The following AATK variants were observed in gnomAD, a reference collection of about 807,000 sequenced individuals.
AATK encodes serine/threonine-protein kinase LMTK1.
A neutral mutation model predicts 114.3 loss-of-function variants in AATK; 91 were observed. That is an observed-to-expected ratio of 0.80 (90% CI 0.67 to 0.95). The LOEUF (loss-of-function observed/expected upper bound fraction) is 0.95, where lower values mean the gene tolerates loss of function less well. AATK is among the 40% of genes least tolerant of loss of function. AATK has a pLI of 0.00. For missense variants in AATK, 2,176 were observed against 1,965.2 expected (o/e 1.11, Z -2.03); for synonymous variants, 1,075 against 916.5 (o/e 1.17, Z -3.12).
chr17:81,131,850 G>A, intron 2 of AATK: 10 of 1,303,274 alleles, frequency 7.7e-6, no homozygotes, highest in Non-Finnish European at 1.0e-5. Flanking sequence ...GAGCATTCCT[G>A]GATGTCTGGG....
In AATK at chr17:81,122,820, G is replaced by C; in HGVS notation, c.1116C>G (p.Tyr372Ter). ...GCAGCCAGCAGAACTGCATCACCTCGTACCTGCGAGGAGGTCCCCCGGGGG... is the reference window on the plus strand; with the variant it reads ...GCAGCCAGCAGAACTGCATCACCTCCTACCTGCGAGGAGGTCCCCCGGGGG... ...QLQLTLSDRW[Y>*]EVMQFCWLQP... The change falls in exon 11 of 14, where the codon TAC becomes TAG. Residue 372 changes from tyrosine (Y) to a stop codon, truncating the protein, a stop_gained. Coordinates refer to ENST00000326724, the MANE Select transcript of AATK (RefSeq NM_001080395.3). LOFTEE classifies it high-confidence loss of function. 1 of 1,535,064 alleles carries C rather than the reference G, an allele frequency of 6.5e-7. No individual in the cohort carries two copies. The highest frequency in any genetic ancestry group is 1.4e-5 in the African/African-American group (1 of 72,656).
chr17:81,134,616 G>T, intron 1 of AATK, 115 bp from the exon 2 acceptor site: 27 of 1,364,156 alleles, frequency 2.0e-5, no homozygotes, highest in Non-Finnish European at 2.7e-5. Flanking sequence ...CTGGGCCTCA[G>T]CACCCTGACC....
In AATK at chr17:81,153,015, G is replaced by A. The variant is rs141499448; in HGVS notation, c.55+12923C>T. 3.5e-4 allele frequency among the ~76,000 whole-genome samples: 54 copies of A among 152,180 alleles called. 1 individual carries two copies. The East Asian group carries it at 0.01, about 28-fold the overall frequency. ...CCACCACCACGCTCAGCTAATATTT[G>A]TATTTTTGTAGAGACAGGGTTTCAC... On this transcript the variant is annotated intron_variant, in intron 1 of 13. Transcript: ENST00000326724.
In AATK at chr17:81,119,467, G is replaced by A. The variant is rs546325681; in HGVS notation, c.3997C>T (p.Pro1333Ser). ...APAAPTPTPA[P>S]FSRFTVSPAP... ...GGCGACACCGTGAAGCGCGAGAAGGGAGCGGGCGTGGGCGTGGGCGCAGCC... is the reference window on the plus strand; with the variant it reads ...GGCGACACCGTGAAGCGCGAGAAGGAAGCGGGCGTGGGCGTGGGCGCAGCC... The change falls in exon 13 of 14, where the codon CCC (proline) becomes TCC (serine). Residue 1333 changes from proline to serine, a missense_variant. Coordinates refer to ENST00000326724, the MANE Select transcript of AATK (RefSeq NM_001080395.3). The A allele has an allele frequency of 4.9e-4, 739 of 1,514,304 alleles. 13 individuals carry two copies. The South Asian group carries it at 8.9e-3, about 18-fold the overall frequency. 93.8% of individuals were successfully genotyped at this position (1,514,304 alleles called of 1,614,324 possible). A position where few individuals can be genotyped will look rare whatever the true frequency, so the allele number is the denominator to read the frequency against.
At chr17:81,157,902 C>T (rs571281640) in intron 1 of AATK, among the ~76,000 whole-genome samples, 31 of 152,370 alleles carry the variant, frequency 2.0e-4, no homozygotes, top group African/African-American at 7.2e-4. Flanking sequence ...TCCCGCTCTT[C>T]GTGGGGGCCT....
At chr17:81,164,216 T>C (rs1007738996) in intron 1 of AATK, among the ~76,000 whole-genome samples, 1 of 152,252 alleles carries the variant, frequency 6.6e-6, no homozygotes, top group African/African-American at 2.4e-5. Context: ...GCAGAGGGAC[T>C]GCAGCACAGG....
intron 1 of AATK, among the ~76,000 whole-genome samples, chr17:81,155,118 C>G (rs562079877): frequency 6.6e-6 from 1 of 152,308 alleles, no homozygotes; most frequent in Non-Finnish European, 1.5e-5. Context: ...GCGCTCTGCA[C>G]GGAAACCTTG....
chr17:81,118,780 T>C (rs1456178041), intron 13 of AATK, among the ~76,000 whole-genome samples: 2 of 152,198 alleles, frequency 1.3e-5, no homozygotes, highest in Non-Finnish European at 2.9e-5. Context: ...GGGGTGAGGC[T>C]GACAGGCCCT....
chr17:81,154,315 CTTTCTTT>C (rs1216170541), intron 1 of AATK, among the ~76,000 whole-genome samples: 5 of 120,706 alleles, frequency 4.1e-5, no homozygotes, highest in Admixed American at 2.0e-4. Context: ...TTAGTTTTTT[CTTTCTTT>C]TTTTTTTTTT....
intron 1 of AATK, among the ~76,000 whole-genome samples, chr17:81,150,637 C>T (rs1412855065): frequency 1.3e-5 from 2 of 152,052 alleles, no homozygotes; most frequent in Non-Finnish European, 2.9e-5. Context: ...CATTCCTCAT[C>T]CAATGTCTCT....
In AATK at chr17:81,121,329, G is replaced by C; in HGVS notation, c.2607C>G (p.Gly869=). 1 of 1,611,572 alleles carries C rather than the reference G, an allele frequency of 6.2e-7. No homozygotes were observed. The highest frequency in any genetic ancestry group is 8.5e-7 in the Non-Finnish European group (1 of 1,179,744). ...EDEDTAEATS[G]IFTDTSSDGL... is the part of the protein sequence containing the mutation. ...CGTCGCTGGACGTGTCGGTGAAGATGCCTGAGGTGGCCTCGGCCGTGTCCT... is the reference window on the plus strand; with the variant it reads ...CGTCGCTGGACGTGTCGGTGAAGATCCCTGAGGTGGCCTCGGCCGTGTCCT... The change falls in exon 11 of 14, where the codon GGC becomes GGG. Residue 869 remains glycine (G), a synonymous_variant. Coordinates refer to ENST00000326724, the MANE Select transcript of AATK (RefSeq NM_001080395.3).
Position 81,121,511 on chromosome 17 carries a change from G to A in AATK, c.2425C>T (p.Leu809Phe). ...GGGGCACTGGCCTCCTCCGAGGGAA[G>A]TGGGGCTCCCTCCTGGGATGGGGAG... ...VPSPSQEGAP[L>F]PSEEASAPDA... The change falls in exon 11 of 14, where the codon CTT (leucine) becomes TTT (phenylalanine). Residue 809 changes from leucine to phenylalanine, a missense_variant. Leu to Phe is a conservative substitution (Grantham distance 22). Transcript: ENST00000326724. 6.5e-7 allele frequency: 1 copy of A among 1,549,626 alleles called. No individual in the cohort carries two copies.
rs1442852892 is a variant in AATK, at chr17:81,118,292, C to G, written c.*110G>C. ...CGTGGGGCAGAGGCACCTGAATCTG[C>G]TGCCAACAGCCACCAGGACGTGGTC... On this transcript the variant is annotated 3_prime_UTR_variant, in exon 14 of 14. Coordinates refer to ENST00000326724, the MANE Select transcript of AATK (RefSeq NM_001080395.3). 1 of 1,182,892 alleles carries G rather than the reference C, an allele frequency of 8.5e-7. No homozygotes were observed. Among genetic ancestry groups the G allele is most frequent in the Non-Finnish European group, 1.2e-6 (1 of 831,058 alleles). The allele number at this position is 1,182,892 out of a possible 1,614,324, so 73.3% of individuals were successfully genotyped here. A position where few individuals can be genotyped will look rare whatever the true frequency, so the allele number is the denominator to read the frequency against.
intron 1 of AATK, among the ~76,000 whole-genome samples, chr17:81,154,406 C>T (rs1257785149): frequency 1.3e-5 from 2 of 150,556 alleles, no homozygotes; most frequent in Non-Finnish European, 3.0e-5. Context: ...CTGCAACCTC[C>T]GCCTCCCGGG....
At chr17:81,127,490 G>A in intron 6 of AATK, 93 bp downstream of exon 6, 2 of 1,252,974 alleles carry the variant, frequency 1.6e-6, no homozygotes, top group Non-Finnish European at 1.1e-6. Context: ...AGGATGTGAG[G>A]CCCCCAAGGA....
In AATK at chr17:81,120,552, G is replaced by A. The variant is rs776075353; in HGVS notation, c.3384C>T (p.Ala1128=). 2.3e-5 allele frequency: 35 copies of A among 1,501,046 alleles called. No homozygotes were observed. The highest frequency in any genetic ancestry group is 1.8e-4 in the Middle Eastern group (1 of 5,714). The allele number at this position is 1,501,046 out of a possible 1,614,324, so 93.0% of individuals were successfully genotyped here. A position where few individuals can be genotyped will look rare whatever the true frequency, so the allele number is the denominator to read the frequency against. ...QGPPGLLSGP[A]PQKRMGGPGT... ...CTGGGCCCCCCATCCGCTTTTGTGGGGCCGGCCCTGACAACAGTCCTGGGG... is the reference window on the plus strand; with the variant it reads ...CTGGGCCCCCCATCCGCTTTTGTGGAGCCGGCCCTGACAACAGTCCTGGGG... The change falls in exon 11 of 14, where the codon GCC becomes GCT. Residue 1128 remains alanine (A), a synonymous_variant. Transcript: ENST00000326724.
chr17:81,153,960 A>G (rs1487170095), intron 1 of AATK, among the ~76,000 whole-genome samples: 1 of 152,100 alleles, frequency 6.6e-6, no homozygotes, highest in Admixed American at 6.6e-5. Context: ...AATACCAGCT[A>G]CTCAGGAGGC....
intron 3 of AATK, among the ~76,000 whole-genome samples, chr17:81,129,297 G>A (rs1466972921): frequency 6.6e-5 from 10 of 152,166 alleles, no homozygotes; most frequent in South Asian, 2.1e-4. Context: ...AGAATTGAGC[G>A]TGTGGGCCCA....
chr17:81,126,595 G>A lies in AATK; in HGVS notation c.622-35C>T. 2 of 1,522,040 alleles carry A rather than the reference G, an allele frequency of 1.3e-6. No individual in the cohort carries two copies. Among genetic ancestry groups the A allele is most frequent in the South Asian group, 1.2e-5 (1 of 82,690 alleles). The allele number at this position is 1,522,040 out of a possible 1,614,324, so 94.3% of individuals were successfully genotyped here. A position where few individuals can be genotyped will look rare whatever the true frequency, so the allele number is the denominator to read the frequency against. On this transcript the variant is annotated intron_variant, in intron 6 of 13. Transcript: ENST00000326724. This position sits in a 1 kb window ranked among gnomAD's most constrained non-coding sequence, Gnocchi z 5.1. ...GGGGGTGTGGCGCAGTCACCAGCAG[G>A]CTGGGGGCTGGCCACCCTGGGAGGT...
Sources: gnomAD v4.1 joint callset for allele counts (sites outside exome capture counted in the v4.1 genomes callset) on GRCh38, gnomAD v4.1.1 for gene constraint, Gnocchi (gnomAD v3.1) non-coding constraint, MANE v1.5 for transcripts, NCBI Gene and HGNC (gene_info 2026-07-23, HGNC 2026-07-21) for gene names.